The following DYNC2I1 variants were observed in gnomAD, a reference collection of about 807,000 sequenced individuals.
The protein encoded by DYNC2I1 is cytoplasmic dynein 2 intermediate chain 1.
DYNC2I1 carries 89 observed loss-of-function variants against 133.4 expected under a neutral mutation model. The ratio of observed to expected loss-of-function variants is 0.67; its 90% CI spans 0.56 to 0.80. The LOEUF is 0.80. Among genes scored for constraint, DYNC2I1 ranks in the 30% least tolerant of loss-of-function variants. DYNC2I1 has a pLI of 0.00. For synonymous variants in DYNC2I1, 504 were observed against 484.3 expected (o/e 1.04, Z -0.54); for missense variants, 1,291 against 1,314.5 (o/e 0.98, Z 0.28).
At chr7:158,926,101 C>A in intron 17 of DYNC2I1, 86 bp from the exon 18 acceptor site, 1 of 1,017,268 alleles carries the variant, frequency 9.8e-7, no homozygotes, top group South Asian at 1.4e-5. Flanking sequence ...GACCCAGAAG[C>A]ACCTCGTGTT....
intron 24 of DYNC2I1, among the ~76,000 whole-genome samples, chr7:158,943,621 G>A (rs896093690): frequency 6.6e-6 from 1 of 152,184 alleles, no homozygotes; most frequent in Non-Finnish European, 1.5e-5. Context: ...CTGCTGTGGC[G>A]GGGACCGGAG....
chr7:158,934,328 A>G (rs1020338889), intron 22 of DYNC2I1, 90 bp from the exon 23 acceptor site: 6 of 1,381,232 alleles, frequency 4.3e-6, no homozygotes, highest in African/African-American at 1.5e-5. Context: ...TCTTTTCTTT[A>G]TAAAGTTTAA....
chr7:158,858,133 A>G (rs6459909), intron 1 of DYNC2I1, among the ~76,000 whole-genome samples: 151,220 of 152,316 alleles, frequency 0.99, 75,072 homozygotes, highest in East Asian at 1. Context: ...GTTAAGATTA[A>G]GAAGCTACTG....
At chr7:158,864,791 C>T (rs925077793) in intron 1 of DYNC2I1, among the ~76,000 whole-genome samples, 9 of 152,178 alleles carry the variant, frequency 5.9e-5, no homozygotes, top group Admixed American at 5.2e-4. Flanking sequence ...CAGGTGTGAG[C>T]CACCATGCCT....
At chr7:158,941,869 C>T (rs1024132852) in intron 23 of DYNC2I1, 56 bp from the exon 24 acceptor site, 30 of 1,524,076 alleles carry the variant, frequency 2.0e-5, no homozygotes, top group Non-Finnish European at 2.5e-5. Flanking sequence ...AGAGTGAGAC[C>T]CTGTCTCAAA....
At chr7:158,910,456 A>G (rs1306673124) in intron 11 of DYNC2I1, among the ~76,000 whole-genome samples, 130 of 93,320 alleles carry the variant, frequency 1.4e-3, no homozygotes, top group Middle Eastern at 9.6e-3. Flanking sequence ...GCAATTGGCT[A>G]TGTCAGGCCT....
chr7:158,919,559 C>G (rs888410603), intron 15 of DYNC2I1, among the ~76,000 whole-genome samples: 1 of 152,170 alleles, frequency 6.6e-6, no homozygotes, highest in Non-Finnish European at 1.5e-5. Context: ...GTCCGTGTGG[C>G]CGTCTGCTTG....
rs200504791 is a variant in DYNC2I1 at position 158,919,379 on chromosome 7, C to CAA, written c.1921+512_1921+513dup. 3.1e-3 allele frequency among the ~76,000 whole-genome samples: 471 copies of CAA among 152,344 alleles called. 7 individuals are homozygous for CAA. Among genetic ancestry groups the CAA allele is most frequent in the Admixed American group, 0.027 (414 of 15,294 alleles). On this transcript the variant is annotated intron_variant, in intron 15 of 24. Coordinates refer to ENST00000407559, the MANE Select transcript of DYNC2I1 (RefSeq NM_018051.5). ...AAACGGGAAGCAAAGCCCAGGATCTCAAACAGAAAGTACAGTTGCATGTAA... is the reference window on the plus strand; with the variant it reads ...AAACGGGAAGCAAAGCCCAGGATCTCAAAAACAGAAAGTACAGTTGCATGTAA...
At chr7:158,868,573 G>A (rs1184319208) in intron 1 of DYNC2I1, among the ~76,000 whole-genome samples, 1 of 152,230 alleles carries the variant, frequency 6.6e-6, no homozygotes. Context: ...AGCAGTGCTC[G>A]GTGTGTGCGA....
At chr7:158,937,708 G>C (rs980083446) in intron 23 of DYNC2I1, among the ~76,000 whole-genome samples, 1 of 151,332 alleles carries the variant, frequency 6.6e-6, no homozygotes, top group Non-Finnish European at 1.5e-5. Context: ...AGGATCTCTT[G>C]AGCCAGCTTG....
intron 17 of DYNC2I1, among the ~76,000 whole-genome samples, chr7:158,925,715 T>C (rs1249225854): frequency 2.0e-5 from 3 of 152,150 alleles, no homozygotes; most frequent in Admixed American, 1.3e-4. Context: ...TGGATTTTGC[T>C]CTTGCTGGCA....
intron 20 of DYNC2I1, among the ~76,000 whole-genome samples, 173 bp from the exon 21 acceptor site, chr7:158,930,281 AG>A (rs1322781309): frequency 6.6e-6 from 1 of 152,224 alleles, no homozygotes; most frequent in Non-Finnish European, 1.5e-5. Context: ...CTCCTAAGGC[AG>A]GATACGTGAA....
intron 8 of DYNC2I1, among the ~76,000 whole-genome samples, chr7:158,900,333 G>T (rs749437727): frequency 6.6e-6 from 1 of 152,004 alleles, no homozygotes; most frequent in Admixed American, 6.6e-5. Flanking sequence ...TGTTAGTCAG[G>T]CTGGTCTTGA....
chr7:158,886,803 G>GT (rs1459995085), intron 6 of DYNC2I1, among the ~76,000 whole-genome samples: 1 of 152,008 alleles, frequency 6.6e-6, no homozygotes, highest in Non-Finnish European at 1.5e-5. Context: ...GGTCTACTCT[G>GT]TTGCCCAGGC....
At chr7:158,926,093 C>T (rs1849587323) in intron 17 of DYNC2I1, 94 bp from the exon 18 acceptor site, 1 of 960,806 alleles carries the variant, frequency 1.0e-6, no homozygotes, top group Non-Finnish European at 1.6e-6. Flanking sequence ...ATCTGTGAGA[C>T]CCAGAAGCAC....
chr7:158,871,028 T>G, intron 2 of DYNC2I1, 114 bp from the exon 3 acceptor site: 1 of 1,228,768 alleles, frequency 8.1e-7, no homozygotes. Flanking sequence ...AGCAGTTGAA[T>G]GCAAATATGT....
Position 158,876,492 on chromosome 7 carries a change from T to G in DYNC2I1, c.491-117T>G, listed in dbSNP as rs986305371. On this transcript the variant is annotated intron_variant, in intron 3 of 24. Coordinates refer to ENST00000407559, the MANE Select transcript of DYNC2I1 (RefSeq NM_018051.5). The stretch of plus-strand genomic sequence containing the variant: ...GGCATGTGTTTTAGTTGAAGAATAT[T>G]TTCAAATACATATTAACGAATATAA... 10 of 1,312,374 alleles carry G rather than the reference T, an allele frequency of 7.6e-6. No homozygotes were observed. The East Asian group carries it at 2.9e-4, about 38-fold the overall frequency. 81.3% of individuals were successfully genotyped at this position (1,312,374 alleles called of 1,614,324 possible). A position where few individuals can be genotyped will look rare whatever the true frequency, so the allele number is the denominator to read the frequency against.
chr7:158,909,530 C>G (rs1345789201), intron 11 of DYNC2I1, among the ~76,000 whole-genome samples: 1 of 152,018 alleles, frequency 6.6e-6, no homozygotes, highest in Non-Finnish European at 1.5e-5. Context: ...AAGCATCTTA[C>G]AAAAGAATAT....
At chr7:158,867,018 G>GTT (rs35720744) in intron 1 of DYNC2I1, among the ~76,000 whole-genome samples, 9,748 of 121,060 alleles carry the variant, frequency 0.081, 509 homozygotes, top group African/African-American at 0.16. Flanking sequence ...GACTAAATCT[G>GTT]TTTTTTTTTT....
Sources: gnomAD v4.1 joint callset for allele counts (sites outside exome capture counted in the v4.1 genomes callset) on GRCh38, gnomAD v4.1.1 for gene constraint, MANE v1.5 for transcripts, NCBI Gene and HGNC (gene_info 2026-07-23, HGNC 2026-07-21) for gene names.